The following ITFG1 variants were observed in gnomAD, a reference collection of about 807,000 sequenced individuals.
ITFG1 encodes the protein T-cell immunomodulatory protein.
ITFG1 carries 34 observed loss-of-function variants against 81.8 expected under a neutral mutation model. That is an observed-to-expected ratio of 0.42 (90% CI 0.32 to 0.55). The LOEUF (loss-of-function observed/expected upper bound fraction) is 0.55, where lower values mean the gene tolerates loss of function less well. Among genes scored for constraint, ITFG1 ranks in the 20% least tolerant of loss-of-function variants. The pLI is 0.17. For missense variants in ITFG1, 672 were observed against 755.4 expected, an observed-to-expected ratio of 0.89 and a Z score of 1.29; for synonymous variants, 285 against 270.6, an observed-to-expected ratio of 1.05 and a Z score of -0.52.
chr16:47,451,545 AACTTTTGGGAAGTGTGGTAGACATT>A, intron 4 of ITFG1, 75 bp from the exon 5 acceptor site: 2 of 783,922 alleles, frequency 2.6e-6, no homozygotes, highest in East Asian at 5.2e-5. Context: ...AAGAAGCAGT[AACTTTTGGGAAGTGTGGTAGACATT>A]ACAATGCTCG....
intron 5 of ITFG1, among the ~76,000 whole-genome samples, chr16:47,431,136 T>C (rs1969090666): frequency 6.6e-6 from 1 of 152,192 alleles, no homozygotes; most frequent in South Asian, 2.1e-4. Flanking sequence ...GTTAAATCTA[T>C]AGAGACAGAA....
At chr16:47,307,899 T>A (rs1967196017) in intron 10 of ITFG1, among the ~76,000 whole-genome samples, 1 of 152,228 alleles carries the variant, frequency 6.6e-6, no homozygotes, top group South Asian at 2.1e-4. Flanking sequence ...ATGCAGTGTT[T>A]GATTTTCTGT....
chr16:47,441,310 T>A (rs1254116409), intron 5 of ITFG1, among the ~76,000 whole-genome samples: 8 of 152,034 alleles, frequency 5.3e-5, no homozygotes, highest in African/African-American at 1.9e-4. Context: ...AAAGAGGGAA[T>A]CCTCCCTAAC....
chr16:47,197,320 C>T (rs1215896787), intron 14 of ITFG1, among the ~76,000 whole-genome samples: 8 of 152,308 alleles, frequency 5.3e-5, no homozygotes, highest in Non-Finnish European at 1.0e-4. Context: ...TTGGCCTCCA[C>T]AATCCCCCTT....
chr16:47,206,740 G>A (rs1965504427), intron 14 of ITFG1, among the ~76,000 whole-genome samples: 1 of 152,118 alleles, frequency 6.6e-6, no homozygotes, highest in Admixed American at 6.6e-5. Flanking sequence ...ATGAAGAAGT[G>A]CAGTTAATGC....
intron 8 of ITFG1, among the ~76,000 whole-genome samples, chr16:47,345,584 C>A (rs1036065731): frequency 1.3e-5 from 2 of 152,168 alleles, no homozygotes; most frequent in Non-Finnish European, 2.9e-5. Flanking sequence ...CAGGCATCAG[C>A]CACTGTGCCC....
At chr16:47,453,924 G>T in intron 3 of ITFG1, 89 bp downstream of exon 3, 1 of 847,604 alleles carries the variant, frequency 1.2e-6, no homozygotes, top group Non-Finnish European at 1.8e-6. Context: ...CCCAAGAACA[G>T]TATTTTTGAA....
At position 47,273,458 on chromosome 16, in the gene ITFG1, T is replaced by C. The variant is rs894763424; in HGVS notation, c.1071-12763A>G. Among the ~76,000 whole-genome samples the C allele has an allele frequency of 2.0e-5, 3 of 152,200 alleles. No homozygotes were observed. The South Asian group carries it at 6.2e-4, about 32-fold the overall frequency. On this transcript the variant is annotated intron_variant, in intron 10 of 17. Transcript: ENST00000320640. ...TTTCACTTAGAAATACTAAATATTA[T>C]TGAAGTGTTTTGCAACATATGCTAC...
chr16:47,191,480 G>T (rs893284301), intron 14 of ITFG1, among the ~76,000 whole-genome samples: 1 of 151,876 alleles, frequency 6.6e-6, no homozygotes, highest in African/African-American at 2.4e-5. Context: ...TCTTCTTCCA[G>T]TTTGGCCCAG....
intron 6 of ITFG1, among the ~76,000 whole-genome samples, chr16:47,397,754 G>C (rs1438903879): frequency 6.6e-6 from 1 of 152,160 alleles, no homozygotes; most frequent in Non-Finnish European, 1.5e-5. Flanking sequence ...AGGAAAACTA[G>C]AGGAAACTGG....
At chr16:47,397,363 C>T (rs1003532362) in intron 6 of ITFG1, among the ~76,000 whole-genome samples, 2 of 152,086 alleles carry the variant, frequency 1.3e-5, no homozygotes, top group African/African-American at 4.8e-5. Context: ...GGAATGGTCA[C>T]TCTTACTGGG....
chr16:47,412,672 T>C (rs1968826768), intron 6 of ITFG1, among the ~76,000 whole-genome samples: 1 of 143,790 alleles, frequency 7.0e-6, no homozygotes, highest in Admixed American at 7.2e-5. Flanking sequence ...CTCCCTCCTG[T>C]GTGACAGAGC....
At chr16:47,187,713 C>A (rs74457809) in intron 14 of ITFG1, among the ~76,000 whole-genome samples, 149,202 of 151,180 alleles carry the variant, frequency 0.99, 73,649 homozygotes, top group East Asian at 1. Context: ...CAAGCACTTC[C>A]TGTCTAAAAC....
chr16:47,301,381 T>G (rs1397316234), intron 10 of ITFG1, among the ~76,000 whole-genome samples: 3 of 152,022 alleles, frequency 2.0e-5, no homozygotes, highest in East Asian at 1.9e-4. Context: ...GTATTTCCAA[T>G]TTTTCTTTTT....
intron 12 of ITFG1, among the ~76,000 whole-genome samples, chr16:47,245,294 A>G (rs990661185): frequency 2.6e-5 from 4 of 152,090 alleles, no homozygotes; most frequent in African/African-American, 7.2e-5. Context: ...GGTTGCAGTG[A>G]GCTGAGATCA....
chr16:47,363,088 G>T (rs929582059), intron 8 of ITFG1, among the ~76,000 whole-genome samples: 1 of 151,838 alleles, frequency 6.6e-6, no homozygotes, highest in African/African-American at 2.4e-5. Context: ...TGGTAGAGAT[G>T]GGGTTTCATC....
Position 47,179,105 on chromosome 16 carries a change from A to C in ITFG1, c.1454-16441T>G, listed in dbSNP as rs866245249. Among the ~76,000 whole-genome samples, 144 of 150,024 alleles carry C rather than the reference A, an allele frequency of 9.6e-4. 2 individuals are homozygous for C. In the Middle Eastern group the frequency reaches 0.01, roughly 11 times the overall value. On this transcript the variant is annotated intron_variant, in intron 14 of 17. Coordinates refer to ENST00000320640, the MANE Select transcript of ITFG1 (RefSeq NM_030790.5). Reference sequence around the variant, plus strand: ...GGTGCTGGAGAGGATGTGGAGAAATAGGAACACTTTTACACTGTTGGTGGG... The same window carrying C: ...GGTGCTGGAGAGGATGTGGAGAAATCGGAACACTTTTACACTGTTGGTGGG...
At chr16:47,455,246 T>C (rs1969436670) in intron 2 of ITFG1, among the ~76,000 whole-genome samples, 1 of 152,076 alleles carries the variant, frequency 6.6e-6, no homozygotes, top group African/African-American at 2.4e-5. Flanking sequence ...TACTTGAAAA[T>C]GTGAGTAGAC....
At chr16:47,400,879 C>T (rs1298091967) in intron 6 of ITFG1, among the ~76,000 whole-genome samples, 1 of 151,996 alleles carries the variant, frequency 6.6e-6, no homozygotes, top group African/African-American at 2.4e-5. Flanking sequence ...TGCACCATGA[C>T]AAAAAGCATG....
Sources: gnomAD v4.1 joint callset for allele counts (sites outside exome capture counted in the v4.1 genomes callset) on GRCh38, gnomAD v4.1.1 for gene constraint, MANE v1.5 for transcripts, NCBI Gene and HGNC (gene_info 2026-07-23, HGNC 2026-07-21) for gene names.